Variants in MYT1L observed in about 807,000 individuals in gnomAD.
The protein encoded by MYT1L is myelin transcription factor 1-like protein.
In MYT1L, 12 loss-of-function variants were observed where a neutral mutation model predicts 126.7. The ratio of observed to expected loss-of-function variants is 0.09; its 90% CI spans 0.06 to 0.15. The LOEUF (loss-of-function observed/expected upper bound fraction) is 0.15. MYT1L is among the 10% of genes least tolerant of loss of function. MYT1L has a pLI of 1.00. For missense variants in MYT1L, 979 were observed against 1,585.2 expected, an observed-to-expected ratio of 0.62 and a Z score of 6.49; for synonymous variants, 541 against 604.2, an observed-to-expected ratio of 0.90 and a Z score of 1.53.
At chr2:2,107,421 A>C (rs1185003105) in intron 3 of MYT1L, among the ~76,000 whole-genome samples, 1 of 152,352 alleles carries the variant, frequency 6.6e-6, no homozygotes, top group East Asian at 1.9e-4. Flanking sequence ...AGAAGTTGTC[A>C]GAAACCACCT....
intron 3 of MYT1L, among the ~76,000 whole-genome samples, chr2:2,075,837 G>A (rs1025450547): frequency 9.2e-5 from 14 of 152,200 alleles, no homozygotes; most frequent in Non-Finnish European, 1.0e-4. Flanking sequence ...GAAAGTACTG[G>A]ATTTTGAGAT....
intron 1 of MYT1L, among the ~76,000 whole-genome samples, chr2:2,330,730 T>C (rs182675379): frequency 1.2e-4 from 19 of 152,304 alleles, no homozygotes; most frequent in African/African-American, 4.3e-4. Context: ...TCTTTTTTTC[T>C]TAATAAACAA....
intron 1 of MYT1L, among the ~76,000 whole-genome samples, chr2:2,285,381 T>C (rs1344482078): frequency 1.2e-4 from 18 of 152,192 alleles, no homozygotes; most frequent in Non-Finnish European, 1.5e-5. Flanking sequence ...GACCAGGAAG[T>C]TTCCCATATT....
At chr2:2,157,475 T>C (rs1278845357) in intron 3 of MYT1L, among the ~76,000 whole-genome samples, 1 of 152,206 alleles carries the variant, frequency 6.6e-6, no homozygotes, top group Non-Finnish European at 1.5e-5. Flanking sequence ...GGGAGGGAGC[T>C]GCCATTAGTT....
intron 4 of MYT1L, among the ~76,000 whole-genome samples, chr2:2,002,607 T>G (rs1016469808): frequency 6.6e-6 from 1 of 152,226 alleles, no homozygotes; most frequent in African/African-American, 2.4e-5. Flanking sequence ...TAATCATTTG[T>G]CCTTACTCAC....
intron 4 of MYT1L, among the ~76,000 whole-genome samples, chr2:2,018,540 T>C (rs2064678892): frequency 6.6e-6 from 1 of 152,172 alleles, no homozygotes; most frequent in African/African-American, 2.4e-5. Context: ...CTTGAAGACA[T>C]TGGGTCAGAT....
intron 4 of MYT1L, among the ~76,000 whole-genome samples, chr2:2,020,975 A>G (rs2064971085): frequency 6.6e-6 from 1 of 152,180 alleles, no homozygotes; most frequent in Non-Finnish European, 1.5e-5. Context: ...CCTGCAGCAG[A>G]AGGCTGTGAA....
At chr2:2,105,627 C>T (rs1449806085) in intron 3 of MYT1L, among the ~76,000 whole-genome samples, 1 of 152,110 alleles carries the variant, frequency 6.6e-6, no homozygotes, top group Non-Finnish European at 1.5e-5. Flanking sequence ...ACAATGTTGT[C>T]CTTGCAGAGA....
intron 9 of MYT1L, among the ~76,000 whole-genome samples, chr2:1,939,463 A>G (rs1410203994): frequency 6.6e-6 from 1 of 152,182 alleles, no homozygotes; most frequent in Non-Finnish European, 1.5e-5. Context: ...TCTGGTAGGC[A>G]CCGTATGGAA....
intron 8 of MYT1L, among the ~76,000 whole-genome samples, chr2:1,960,416 A>G (rs549751457): frequency 1.3e-5 from 2 of 152,362 alleles, no homozygotes; most frequent in South Asian, 2.1e-4. Flanking sequence ...GGGACTAAAT[A>G]AAAGTATTCT....
At chr2:2,279,529 G>C (rs1240756326) in intron 2 of MYT1L, among the ~76,000 whole-genome samples, 2 of 147,308 alleles carry the variant, frequency 1.4e-5, no homozygotes, top group African/African-American at 5.0e-5. Context: ...AGGGAGGGAA[G>C]GAGGAAGGAG....
At chr2:2,041,420 A>G (rs1006144159) in intron 4 of MYT1L, among the ~76,000 whole-genome samples, 2 of 152,228 alleles carry the variant, frequency 1.3e-5, no homozygotes, top group Admixed American at 6.5e-5. Context: ...GTCTACTCAG[A>G]GTAGCCGCCC....
chr2:2,287,007 C>A lies in MYT1L; in HGVS notation c.-520-2504G>T, dbSNP rs115788827. On this transcript the variant is annotated intron_variant, in intron 1 of 24. Coordinates refer to ENST00000647738, the MANE Select transcript of MYT1L (RefSeq NM_001303052.2). ...CACACACAGATTTCATCTAAAATTGCCATTGCTTTGAGGCCAAGGCAGGCG... is the reference window on the plus strand; with the variant it reads ...CACACACAGATTTCATCTAAAATTGACATTGCTTTGAGGCCAAGGCAGGCG... 7.4e-3 allele frequency among the ~76,000 whole-genome samples: 1,121 copies of A among 152,140 alleles called. 16 individuals carry two copies. The highest frequency in any genetic ancestry group is 0.025 in the African/African-American group (1,024 of 41,512).
intron 13 of MYT1L, among the ~76,000 whole-genome samples, chr2:1,907,478 G>T (rs530911888): frequency 6.6e-6 from 1 of 152,292 alleles, no homozygotes; most frequent in South Asian, 2.1e-4. Context: ...TTCCCCTGGC[G>T]GGGAAGGCCA....
chr2:2,023,809 T>C (rs1051801874), intron 4 of MYT1L, among the ~76,000 whole-genome samples: 1 of 152,164 alleles, frequency 6.6e-6, no homozygotes, highest in African/African-American at 2.4e-5. Flanking sequence ...CTTTCAAGCA[T>C]TAACGTTAAA....
chr2:2,289,129 A>G (rs2095562962), intron 1 of MYT1L, among the ~76,000 whole-genome samples: 1 of 152,202 alleles, frequency 6.6e-6, no homozygotes, highest in Non-Finnish European at 1.5e-5. Context: ...CACTAACAGC[A>G]GAGTAAGACT....
intron 2 of MYT1L, among the ~76,000 whole-genome samples, chr2:2,209,392 C>G (rs905036378): frequency 4.6e-5 from 7 of 152,124 alleles, no homozygotes; most frequent in Non-Finnish European, 7.4e-5. Flanking sequence ...TCCCCTACCC[C>G]CTGCCCCACC....
chr2:1,880,239 C>T (rs1161095554), intron 18 of MYT1L, among the ~76,000 whole-genome samples: 3 of 152,224 alleles, frequency 2.0e-5, no homozygotes, highest in Non-Finnish European at 4.4e-5. Context: ...ACCCTCTCTT[C>T]AGCAAACAAT....
rs1324815189 is a variant in MYT1L at position 1,943,447 on chromosome 2, T to C, written c.153-113A>G. ...GATCAAGGTACTTAAAGGCTTATCA[T>C]GAATGTCATCAGCACAAACACCAGA... On this transcript the variant is annotated intron_variant, in intron 8 of 24. Coordinates refer to ENST00000647738, the MANE Select transcript of MYT1L (RefSeq NM_001303052.2). The surrounding 1 kb of genome is among the most constrained non-coding windows in gnomAD (Gnocchi z 4.4). The C allele has an allele frequency of 4.1e-5, 50 of 1,233,786 alleles. No individual in the cohort carries two copies. Among genetic ancestry groups the C allele is most frequent in the Non-Finnish European group, 5.1e-5 (47 of 917,604 alleles). The allele number at this position is 1,233,786 out of a possible 1,614,324, so 76.4% of individuals were successfully genotyped here. A position where few individuals can be genotyped will look rare whatever the true frequency, so the allele number is the denominator to read the frequency against.
Sources: gnomAD v4.1 joint callset for allele counts (sites outside exome capture counted in the v4.1 genomes callset) on GRCh38, gnomAD v4.1.1 for gene constraint, Gnocchi (gnomAD v3.1) non-coding constraint, MANE v1.5 for transcripts, NCBI Gene and HGNC (gene_info 2026-07-23, HGNC 2026-07-21) for gene names.